Variants in UBE2E2 observed in about 807,000 individuals in gnomAD.
UBE2E2 encodes the protein ubiquitin conjugating enzyme E2 E2.
UBE2E2 carries 6 observed loss-of-function variants against 24.7 expected under a neutral mutation model. The observed-to-expected ratio is 0.24, with a 90% CI of 0.13 to 0.48. UBE2E2 has a LOEUF of 0.48. Ranked by LOEUF, UBE2E2 falls within the 20% of genes least tolerant of loss-of-function variation. The pLI is 0.99. For synonymous variants in UBE2E2, 104 were observed against 83.6 expected (o/e 1.24, Z -1.33); for missense variants, 169 against 245.0 (o/e 0.69, Z 2.07).
chr3:23,393,781 T>TA (rs1697007788), intron 3 of UBE2E2, among the ~76,000 whole-genome samples: 2 of 152,176 alleles, frequency 1.3e-5, no homozygotes, highest in African/African-American at 2.4e-5. Flanking sequence ...TTTTAATGGT[T>TA]AAAAAAATCA....
chr3:23,549,659 A>G (rs1163301254), intron 5 of UBE2E2, among the ~76,000 whole-genome samples: 5 of 152,084 alleles, frequency 3.3e-5, no homozygotes, highest in Non-Finnish European at 7.3e-5. Flanking sequence ...GGCTATGAGT[A>G]TCATTACGTG....
intron 4 of UBE2E2, among the ~76,000 whole-genome samples, chr3:23,505,762 G>T (rs988795487): frequency 6.6e-6 from 1 of 152,108 alleles, no homozygotes; most frequent in Non-Finnish European, 1.5e-5. Flanking sequence ...CTAACTATGG[G>T]TTGCTTACTA....
At chr3:23,441,816 AT>A (rs35961001) in intron 3 of UBE2E2, among the ~76,000 whole-genome samples, 4 of 151,956 alleles carry the variant, frequency 2.6e-5, no homozygotes, top group African/African-American at 9.7e-5. Context: ...TAAATATATC[AT>A]TTTTTTTAAT....
chr3:23,247,923 A>G (rs1446047072), intron 3 of UBE2E2, among the ~76,000 whole-genome samples: 1 of 152,240 alleles, frequency 6.6e-6, no homozygotes, highest in Non-Finnish European at 1.5e-5. Flanking sequence ...AGACTGAGTT[A>G]TAAAAGTCTT....
intron 3 of UBE2E2, among the ~76,000 whole-genome samples, chr3:23,401,059 G>A (rs754554429): frequency 1.3e-5 from 2 of 152,170 alleles, no homozygotes; most frequent in Non-Finnish European, 2.9e-5. Context: ...ACTAGGGAAG[G>A]CCTTTCTCAG....
At chr3:23,453,489 A>G (rs188847116) in intron 3 of UBE2E2, among the ~76,000 whole-genome samples, 8 of 152,168 alleles carry the variant, frequency 5.3e-5, no homozygotes, top group African/African-American at 1.9e-4. Context: ...CAAAGACTAC[A>G]GTTTTAGCCT....
At chr3:23,458,994 G>T (rs1234649716) in intron 3 of UBE2E2, among the ~76,000 whole-genome samples, 1 of 152,184 alleles carries the variant, frequency 6.6e-6, no homozygotes, top group African/African-American at 2.4e-5. Context: ...TATCATGTGT[G>T]CATTCTGATT....
At chr3:23,340,007 C>T (rs1045307013) in intron 3 of UBE2E2, among the ~76,000 whole-genome samples, 2 of 152,050 alleles carry the variant, frequency 1.3e-5, no homozygotes, top group South Asian at 4.2e-4. Context: ...TTGGATAATA[C>T]TGTGAATTTT....
chr3:23,587,292 C>T (rs1696646875), intron 5 of UBE2E2, among the ~76,000 whole-genome samples: 1 of 152,178 alleles, frequency 6.6e-6, no homozygotes, highest in Non-Finnish European at 1.5e-5. Flanking sequence ...TTTTCCCACC[C>T]CACAGCTTCT....
At chr3:23,432,106 C>T (rs1158274389) in intron 3 of UBE2E2, among the ~76,000 whole-genome samples, 1 of 152,144 alleles carries the variant, frequency 6.6e-6, no homozygotes, top group East Asian at 1.9e-4. Flanking sequence ...ATCAGTTTTT[C>T]ATTAATTTCT....
intron 3 of UBE2E2, among the ~76,000 whole-genome samples, chr3:23,259,166 C>T (rs4368441): frequency 0.34 from 51,463 of 151,872 alleles, 8,945 homozygotes; most frequent in South Asian, 0.4. Context: ...AGCACTTCTG[C>T]GGGCAGTCTT....
intron 3 of UBE2E2, among the ~76,000 whole-genome samples, chr3:23,351,853 G>C (rs1249906904): frequency 6.6e-6 from 1 of 152,122 alleles, no homozygotes; most frequent in Non-Finnish European, 1.5e-5. Flanking sequence ...AGGATACCCA[G>C]GAATTGAACT....
At chr3:23,284,020 T>C (rs1698549143) in intron 3 of UBE2E2, among the ~76,000 whole-genome samples, 1 of 152,168 alleles carries the variant, frequency 6.6e-6, no homozygotes, top group Non-Finnish European at 1.5e-5. Flanking sequence ...ATAGAGCAAT[T>C]TGGCCATGTT....
At chr3:23,461,632 T>C (rs1001824455) in intron 3 of UBE2E2, among the ~76,000 whole-genome samples, 11 of 152,154 alleles carry the variant, frequency 7.2e-5, no homozygotes, top group African/African-American at 2.7e-4. Context: ...TTAATGTAGA[T>C]AAAATATCCT....
intron 5 of UBE2E2, among the ~76,000 whole-genome samples, chr3:23,565,444 CTTTTTTTT>C (rs574461544): frequency 4.3e-5 from 2 of 46,234 alleles, no homozygotes; most frequent in Non-Finnish European, 7.6e-5. Flanking sequence ...ATAGGCATGG[CTTTTTTTT>C]TTTTTTTTTT....
intron 3 of UBE2E2, among the ~76,000 whole-genome samples, chr3:23,401,837 A>G (rs1697230006): frequency 1.5e-5 from 2 of 136,484 alleles, no homozygotes; most frequent in Non-Finnish European, 3.1e-5. Flanking sequence ...ATGCACCACC[A>G]TGCCTGGCTA....
intron 4 of UBE2E2, among the ~76,000 whole-genome samples, chr3:23,504,075 CT>C (rs1048673357): frequency 6.6e-6 from 1 of 152,088 alleles, no homozygotes; most frequent in Non-Finnish European, 1.5e-5. Flanking sequence ...TGTTTTAAGA[CT>C]TTTGTTTCCT....
intron 3 of UBE2E2, among the ~76,000 whole-genome samples, chr3:23,417,960 G>C (rs1369922498): frequency 1.3e-5 from 2 of 152,216 alleles, no homozygotes; most frequent in African/African-American, 4.8e-5. Flanking sequence ...CTGGCAGTGA[G>C]AATTTCAAGC....
chr3:23,352,481 C>G (rs200894807), intron 3 of UBE2E2, among the ~76,000 whole-genome samples: 6 of 151,046 alleles, frequency 4.0e-5, no homozygotes, highest in Non-Finnish European at 5.9e-5. Context: ...ATTGTTAGAC[C>G]GCTAGCAAGA....
Sources: gnomAD v4.1 joint callset for allele counts (sites outside exome capture counted in the v4.1 genomes callset) on GRCh38, gnomAD v4.1.1 for gene constraint, MANE v1.5 for transcripts, NCBI Gene and HGNC (gene_info 2026-07-23, HGNC 2026-07-21) for gene names.